Variants in PRKG1 observed in about 807,000 individuals in gnomAD.
The protein encoded by PRKG1 is protein kinase cGMP-dependent 1, also known as cGMP-dependent protein kinase 1.
In PRKG1, 35 loss-of-function variants were observed where a neutral mutation model predicts 88.1. The observed-to-expected ratio is 0.40, with a 90% CI of 0.30 to 0.53. The LOEUF (loss-of-function observed/expected upper bound fraction) is 0.53. Among genes scored for constraint, PRKG1 ranks in the 20% least tolerant of loss-of-function variants. PRKG1 has a pLI of 0.59. For missense variants in PRKG1, 540 were observed against 839.8 expected (o/e 0.64, Z 4.41); for synonymous variants, 303 against 292.5 (o/e 1.04, Z -0.37).
chr10:51,317,732 A>G (rs575195964), intron 2 of PRKG1, among the ~76,000 whole-genome samples: 2 of 152,180 alleles, frequency 1.3e-5, no homozygotes, highest in Non-Finnish European at 1.5e-5. Flanking sequence ...TCCTGTCACC[A>G]TGCTCTCAAC....
intron 1 of PRKG1, among the ~76,000 whole-genome samples, chr10:51,119,975 G>T (rs1266236150): frequency 6.6e-6 from 1 of 152,090 alleles, no homozygotes; most frequent in Non-Finnish European, 1.5e-5. Context: ...ATGATCACAG[G>T]TCCTAAGCTT....
rs900115051 is a variant in PRKG1, at chr10:52,264,431, G to A, written c.1174-6919G>A. Among the ~76,000 whole-genome samples, 9 of 151,414 alleles carry A rather than the reference G, an allele frequency of 5.9e-5. No homozygotes were observed. The South Asian group carries it at 1.9e-3, about 32-fold the overall frequency. The stretch of plus-strand genomic sequence containing the variant: ...TTTTTTCTTCTTTTCTTCCTTTGCA[G>A]AACATTTCACTACAGCACTTGTCTT... On this transcript the variant is annotated intron_variant, in intron 10 of 17. Coordinates refer to ENST00000373980, the MANE Select transcript of PRKG1 (RefSeq NM_006258.4).
rs189888163 is a variant in PRKG1 at position 51,782,122 on chromosome 10, C to G, written c.593-22463C>G. Reference sequence around the variant, plus strand: ...TTTAATCTTATACAGACACTTTTCTCTCATCCTAAACAAGGACTGCTTAAC... The same window carrying G: ...TTTAATCTTATACAGACACTTTTCTGTCATCCTAAACAAGGACTGCTTAAC... On this transcript the variant is annotated intron_variant, in intron 3 of 17. Transcript: ENST00000373980. 5.6e-4 allele frequency among the ~76,000 whole-genome samples: 85 copies of G among 152,188 alleles called. 1 individual carries two copies. The highest frequency in any genetic ancestry group is 2.0e-3 in the African/African-American group (83 of 41,542).
intron 3 of PRKG1, among the ~76,000 whole-genome samples, chr10:51,518,252 C>T (rs532258435): frequency 3.9e-5 from 6 of 152,264 alleles, no homozygotes; most frequent in Middle Eastern, 3.4e-3. Flanking sequence ...CCCTCCTCAG[C>T]CTCCTAAAAT....
At chr10:51,601,103 TA>T (rs2132225780) in intron 3 of PRKG1, among the ~76,000 whole-genome samples, 1 of 152,246 alleles carries the variant, frequency 6.6e-6, no homozygotes, top group South Asian at 2.1e-4. Context: ...TATTATAATC[TA>T]ATGTTATTTT....
At chr10:51,725,853 G>C (rs778676542) in intron 3 of PRKG1, among the ~76,000 whole-genome samples, 8 of 152,022 alleles carry the variant, frequency 5.3e-5, no homozygotes, top group Admixed American at 1.3e-4. Flanking sequence ...TGGCTAGGCT[G>C]GTCTTGAACT....
chr10:51,697,528 T>TAA, intron 3 of PRKG1: 3 of 605,240 alleles, frequency 5.0e-6, no homozygotes, highest in East Asian at 3.2e-5. Context: ...CACCCTCAAT[T>TAA]AAAAAAAAAA....
intron 3 of PRKG1, among the ~76,000 whole-genome samples, chr10:51,705,257 A>G (rs1841578432): frequency 6.6e-6 from 1 of 152,186 alleles, no homozygotes; most frequent in South Asian, 2.1e-4. Context: ...GGTACTCATT[A>G]TCTTCTATAT....
intron 9 of PRKG1, among the ~76,000 whole-genome samples, chr10:52,174,760 C>T (rs192464592): frequency 4.4e-4 from 67 of 151,990 alleles, no homozygotes; most frequent in Non-Finnish European, 7.2e-4. Flanking sequence ...AATAATGAAG[C>T]ACATATATTC....
At chr10:52,172,790 C>G (rs1165272898) in intron 9 of PRKG1, among the ~76,000 whole-genome samples, 2 of 152,100 alleles carry the variant, frequency 1.3e-5, no homozygotes, top group South Asian at 4.2e-4. Context: ...CTGAAGGGCT[C>G]CCCCTGAGGA....
chr10:51,118,228 G>T (rs182160068), intron 1 of PRKG1, among the ~76,000 whole-genome samples: 3 of 152,182 alleles, frequency 2.0e-5, no homozygotes, highest in African/African-American at 7.2e-5. Flanking sequence ...ATGGAGCAAA[G>T]AGAAGTGGAT....
chr10:51,552,150 A>G (rs141300145), intron 3 of PRKG1, among the ~76,000 whole-genome samples: 2 of 151,700 alleles, frequency 1.3e-5, no homozygotes, highest in Non-Finnish European at 3.0e-5. Context: ...GATGGTGATT[A>G]TGCTAAACAT....
intron 3 of PRKG1, among the ~76,000 whole-genome samples, chr10:51,602,395 A>G (rs1010854175): frequency 2.6e-5 from 4 of 152,190 alleles, no homozygotes; most frequent in Admixed American, 2.6e-4. Context: ...TGAACTGTTC[A>G]ACTGTTCATT....
At chr10:51,047,617 CAAAAA>C (rs142049774) in intron 1 of PRKG1, among the ~76,000 whole-genome samples, 1 of 125,902 alleles carries the variant, frequency 7.9e-6, no homozygotes. Flanking sequence ...TTATTATTTC[CAAAAA>C]AAAAAAAAAA....
At chr10:51,991,961 C>A (rs1357640360) in intron 5 of PRKG1, among the ~76,000 whole-genome samples, 1 of 152,102 alleles carries the variant, frequency 6.6e-6, no homozygotes, top group Admixed American at 6.6e-5. Context: ...ACTATTTATG[C>A]AATTATTGTA....
intron 5 of PRKG1, among the ~76,000 whole-genome samples, chr10:51,937,731 C>A (rs1041524014): frequency 2.6e-5 from 4 of 152,148 alleles, no homozygotes; most frequent in Non-Finnish European, 5.9e-5. Flanking sequence ...TATTTAAATG[C>A]CTGATTTCCA....
intron 5 of PRKG1, among the ~76,000 whole-genome samples, chr10:52,037,971 T>G (rs778421865): frequency 6.6e-6 from 1 of 152,132 alleles, no homozygotes; most frequent in African/African-American, 2.4e-5. Context: ...AGGAAGGGAC[T>G]GATGTGTAAA....
At chr10:52,280,238 C>A (rs771773421) in intron 12 of PRKG1, among the ~76,000 whole-genome samples, 1 of 152,108 alleles carries the variant, frequency 6.6e-6, no homozygotes, top group Non-Finnish European at 1.5e-5. Flanking sequence ...ACTTAGCTTG[C>A]ATTATGATTG....
rs184172373 is a variant in PRKG1 at position 52,205,183 on chromosome 10, C to T, written c.1076+43220C>T. Among the ~76,000 whole-genome samples, 5 of 152,260 alleles carry T rather than the reference C, an allele frequency of 3.3e-5. No homozygotes were observed. In the East Asian group the frequency reaches 5.8e-4, roughly 18 times the overall value. On this transcript the variant is annotated intron_variant, in intron 9 of 17. Coordinates refer to ENST00000373980, the MANE Select transcript of PRKG1 (RefSeq NM_006258.4). ...CCCTGACAATGCGTGCACAGCAGGA[C>T]GTGGAAGTTCATTAGTGATTCTAGT...
Sources: gnomAD v4.1 joint callset for allele counts (sites outside exome capture counted in the v4.1 genomes callset) on GRCh38, gnomAD v4.1.1 for gene constraint, MANE v1.5 for transcripts, NCBI Gene and HGNC (gene_info 2026-07-23, HGNC 2026-07-21) for gene names.